Variants in RABGAP1L observed in about 807,000 individuals in gnomAD.
RABGAP1L encodes RAB GTPase activating protein 1 like.
In RABGAP1L, 63 loss-of-function variants were observed where a neutral mutation model predicts 137.7. That is an observed-to-expected ratio of 0.46 (90% CI 0.37 to 0.56). RABGAP1L has a LOEUF of 0.56. Among genes scored for constraint, RABGAP1L ranks in the 20% least tolerant of loss-of-function variants. RABGAP1L has a pLI of 0.00. For missense variants in RABGAP1L, 1,095 were observed against 1,244.0 expected (o/e 0.88, Z 1.80); for synonymous variants, 431 against 433.7 (o/e 0.99, Z 0.08).
chr1:174,923,960 G>A (rs1402304642), intron 19 of RABGAP1L, among the ~76,000 whole-genome samples: 1 of 151,892 alleles, frequency 6.6e-6, no homozygotes, highest in African/African-American at 2.4e-5. Context: ...AATCAGGAAA[G>A]TATTTAGTCA....
intron 19 of RABGAP1L, among the ~76,000 whole-genome samples, chr1:174,860,110 T>G (rs1278575048): frequency 6.6e-6 from 1 of 152,048 alleles, no homozygotes; most frequent in African/African-American, 2.4e-5. Context: ...ATCACAAATG[T>G]AGGTTCTTTA....
intron 13 of RABGAP1L, among the ~76,000 whole-genome samples, chr1:174,459,518 C>T (rs1023714190): frequency 6.6e-6 from 1 of 152,112 alleles, no homozygotes; most frequent in African/African-American, 2.4e-5. Context: ...AACCTACACA[C>T]ACCCTTCCAT....
At chr1:174,635,863 C>G (rs1485343649) in intron 13 of RABGAP1L, among the ~76,000 whole-genome samples, 2 of 152,126 alleles carry the variant, frequency 1.3e-5, no homozygotes, top group East Asian at 3.9e-4. Flanking sequence ...AATCAACCAC[C>G]CCCTTCTTGT....
At chr1:174,340,695 C>T (rs915132764) in intron 11 of RABGAP1L, among the ~76,000 whole-genome samples, 2 of 152,014 alleles carry the variant, frequency 1.3e-5, no homozygotes, top group Admixed American at 6.6e-5. Context: ...GGGTTGATTC[C>T]ATGTCTTTGC....
chr1:174,221,293 C>A (rs1558043326), intron 3 of RABGAP1L, 129 bp downstream of exon 3: 7 of 724,380 alleles, frequency 9.7e-6, no homozygotes, highest in Non-Finnish European at 1.5e-5. Flanking sequence ...GTTTCCACTT[C>A]GGTGTTATGT....
At chr1:174,211,296 G>T (rs887789700) in intron 1 of RABGAP1L, among the ~76,000 whole-genome samples, 1 of 152,050 alleles carries the variant, frequency 6.6e-6, no homozygotes, top group Non-Finnish European at 1.5e-5. Context: ...TCAAGACATA[G>T]ATAATCAAAA....
intron 18 of RABGAP1L, among the ~76,000 whole-genome samples, chr1:174,788,863 C>T (rs1055387558): frequency 6.6e-6 from 1 of 152,070 alleles, no homozygotes; most frequent in Non-Finnish European, 1.5e-5. Flanking sequence ...AGGCGTGCAC[C>T]ACCACAACTG....
chr1:174,305,611 C>G (rs1572001291), intron 11 of RABGAP1L, among the ~76,000 whole-genome samples: 2 of 152,208 alleles, frequency 1.3e-5, no homozygotes, highest in South Asian at 4.2e-4. Context: ...GTCTCAAACT[C>G]CTGACCTCAA....
intron 4 of RABGAP1L, among the ~76,000 whole-genome samples, chr1:174,238,662 T>C (rs1435123633): frequency 6.7e-6 from 1 of 150,280 alleles, no homozygotes; most frequent in African/African-American, 2.5e-5. Flanking sequence ...GAACCACTGC[T>C]CTCTTCAAAG....
intron 19 of RABGAP1L, among the ~76,000 whole-genome samples, chr1:174,925,102 A>C (rs1237001749): frequency 6.6e-6 from 1 of 152,182 alleles, no homozygotes; most frequent in Non-Finnish European, 1.5e-5. Context: ...CTGGTGGCTC[A>C]TGCCTGTAAT....
chr1:174,640,057 A>G (rs1674403490), intron 14 of RABGAP1L, among the ~76,000 whole-genome samples: 1 of 152,176 alleles, frequency 6.6e-6, no homozygotes, highest in African/African-American at 2.4e-5. Context: ...TACATTAGAC[A>G]TAGTATTAAA....
intron 11 of RABGAP1L, among the ~76,000 whole-genome samples, chr1:174,338,812 A>G (rs1681714646): frequency 6.6e-6 from 1 of 152,062 alleles, no homozygotes; most frequent in African/African-American, 2.4e-5. Flanking sequence ...TGGTACTCTG[A>G]AAGGAGCCTC....
intron 19 of RABGAP1L, among the ~76,000 whole-genome samples, chr1:174,933,921 A>G (rs917981661): frequency 3.3e-5 from 5 of 152,166 alleles, no homozygotes; most frequent in African/African-American, 1.2e-4. Context: ...GGAAAACCCA[A>G]TCCTCTAGGG....
rs556883927 is a variant in RABGAP1L, at chr1:174,652,717, A to G, written c.1824+15229A>G. Among the ~76,000 whole-genome samples the G allele has an allele frequency of 1.4e-4, 21 of 152,254 alleles. 2 individuals carry two copies. Among genetic ancestry groups the G allele is most frequent in the African/African-American group, 4.8e-4 (20 of 41,560 alleles). On this transcript the variant is annotated intron_variant, in intron 14 of 25. Coordinates refer to ENST00000681986, the MANE Select transcript of RABGAP1L (RefSeq NM_001366446.1). Reference sequence around the variant, plus strand: ...GCCAGATGCCAGCCGGAGCTCTCCTATATGAGATGTCTGTCGACCCCTGCT... The same window carrying G: ...GCCAGATGCCAGCCGGAGCTCTCCTGTATGAGATGTCTGTCGACCCCTGCT...
At position 174,278,676 on chromosome 1, in the gene RABGAP1L, G is replaced by C. The variant is rs777186772; in HGVS notation, c.1220G>C (p.Arg407Pro). The change falls in exon 10 of 26, where the codon CGC becomes CCC. Residue 407 changes from arginine to proline, a missense_variant. Around this residue, in one of 4 missense-constraint regions of RABGAP1L, gnomAD observed 315 missense variants for 324.8 expected, o/e 0.97. Coordinates refer to ENST00000681986, the MANE Select transcript of RABGAP1L (RefSeq NM_001366446.1). Reference protein sequence around the residue: ...MVVTEVVEPVRFLLETVVRVY... With the variant: ...MVVTEVVEPVPFLLETVVRVY... ...GTCACAGAGGTGGTGGAGCCTGTTCGCTTTCTCCTGGAGACAGTAGTCCGT... is the reference window on the plus strand; with the variant it reads ...GTCACAGAGGTGGTGGAGCCTGTTCCCTTTCTCCTGGAGACAGTAGTCCGT... The C allele has an allele frequency of 6.2e-7, 1 of 1,613,278 alleles. No individual in the cohort carries two copies. Among genetic ancestry groups the C allele is most frequent in the Admixed American group, 1.7e-5 (1 of 59,880 alleles).
chr1:174,913,173 A>C (rs752739797), intron 19 of RABGAP1L, among the ~76,000 whole-genome samples: 1 of 152,080 alleles, frequency 6.6e-6, no homozygotes, highest in Non-Finnish European at 1.5e-5. Context: ...ACAGGGTTTC[A>C]CCACATTGGC....
chr1:174,198,408 T>C lies in RABGAP1L; in HGVS notation c.-33-20717T>C, dbSNP rs561305899. Among the ~76,000 whole-genome samples the C allele has an allele frequency of 2.6e-5, 4 of 152,310 alleles. No homozygotes were observed. The South Asian group carries it at 8.3e-4, about 32-fold the overall frequency. ...ACAATGACTTTGCAGATTTGTGATA[T>C]TACTCTTGGCTTTTAGAGAGAGAAG... On this transcript the variant is annotated intron_variant, in intron 1 of 25. Coordinates refer to ENST00000681986, the MANE Select transcript of RABGAP1L (RefSeq NM_001366446.1).
intron 14 of RABGAP1L, among the ~76,000 whole-genome samples, chr1:174,658,259 C>T (rs1055938674): frequency 6.6e-6 from 1 of 152,066 alleles, no homozygotes; most frequent in Non-Finnish European, 1.5e-5. Flanking sequence ...GTGATATTTC[C>T]TGCTATTGTG....
chr1:174,390,788 AGT>A (rs764974215), intron 12 of RABGAP1L, among the ~76,000 whole-genome samples: 2 of 152,028 alleles, frequency 1.3e-5, no homozygotes, highest in Non-Finnish European at 2.9e-5. Context: ...GTTTGGATGG[AGT>A]GTGGTAACAA....
Sources: allele counts gnomAD v4.1 joint callset (sites outside exome capture counted in the v4.1 genomes callset), GRCh38; gene constraint gnomAD v4.1.1; regional missense constraint gnomAD v4.1.1; transcripts MANE v1.5; gene names NCBI Gene and HGNC (gene_info 2026-07-23, HGNC 2026-07-21).